Variants in ST6GALNAC3 observed in about 807,000 individuals in gnomAD.
The protein encoded by ST6GALNAC3 is ST6 N-acetylgalactosaminide alpha-2,6-sialyltransferase 3.
A neutral mutation model predicts 32.7 loss-of-function variants in ST6GALNAC3; 25 were observed. The ratio of observed to expected loss-of-function variants is 0.76; its 90% CI spans 0.56 to 1.07. The LOEUF is 1.07. Among genes scored for constraint, ST6GALNAC3 ranks in the 50% least tolerant of loss-of-function variants. The pLI is 0.00. For synonymous variants in ST6GALNAC3, 129 were observed against 133.1 expected (o/e 0.97, Z 0.21); for missense variants, 355 against 382.4 (o/e 0.93, Z 0.60).
At chr1:76,201,297 T>C (rs1654502637) in intron 1 of ST6GALNAC3, among the ~76,000 whole-genome samples, 2 of 152,192 alleles carry the variant, frequency 1.3e-5, no homozygotes. Context: ...ATGTCTTACA[T>C]GGTGGCAGGC....
At chr1:76,449,070 C>T (rs1054640268) in intron 3 of ST6GALNAC3, among the ~76,000 whole-genome samples, 3 of 152,144 alleles carry the variant, frequency 2.0e-5, no homozygotes, top group African/African-American at 7.2e-5. Flanking sequence ...ATCTGCCTTC[C>T]TCAGCCACCC....
At chr1:76,616,119 C>A (rs1401432912) in intron 3 of ST6GALNAC3, among the ~76,000 whole-genome samples, 1 of 152,170 alleles carries the variant, frequency 6.6e-6, no homozygotes, top group Non-Finnish European at 1.5e-5. Flanking sequence ...AAGCAACAAA[C>A]AAACAGATCT....
At chr1:76,382,024 G>A (rs1413934003) in intron 2 of ST6GALNAC3, among the ~76,000 whole-genome samples, 1 of 152,096 alleles carries the variant, frequency 6.6e-6, no homozygotes, top group East Asian at 1.9e-4. Context: ...CAAGCAAGAA[G>A]GATCTTTATA....
intron 1 of ST6GALNAC3, among the ~76,000 whole-genome samples, chr1:76,172,734 C>T (rs1652601986): frequency 6.6e-6 from 1 of 152,068 alleles, no homozygotes; most frequent in Non-Finnish European, 1.5e-5. Flanking sequence ...CTCCCATTTG[C>T]AATTGTTACA....
intron 1 of ST6GALNAC3, among the ~76,000 whole-genome samples, chr1:76,304,408 T>C (rs1018501000): frequency 1.4e-5 from 2 of 143,910 alleles, no homozygotes; most frequent in African/African-American, 5.0e-5. Flanking sequence ...CCCACCCTTA[T>C]CCATGAACTA....
intron 2 of ST6GALNAC3, among the ~76,000 whole-genome samples, chr1:76,348,318 A>G (rs566774808): frequency 3.0e-4 from 46 of 152,248 alleles, no homozygotes; most frequent in African/African-American, 1.1e-3. Context: ...TGATTTTTGT[A>G]TATTTCCGAA....
intron 1 of ST6GALNAC3, among the ~76,000 whole-genome samples, chr1:76,149,677 C>CTTTTTTTTTTTTTT (rs1557655304): frequency 6.6e-6 from 1 of 151,990 alleles, no homozygotes; most frequent in African/African-American, 2.4e-5. Context: ...TCCATTGTTC[C>CTTTTTTTTTTTTTT]ATTGTGTATT....
intron 1 of ST6GALNAC3, among the ~76,000 whole-genome samples, chr1:76,273,997 T>C (rs1428580055): frequency 1.3e-5 from 2 of 152,002 alleles, no homozygotes; most frequent in Non-Finnish European, 2.9e-5. Context: ...AACTTTGGAG[T>C]ATACATAAAA....
chr1:76,254,807 G>T (rs567653210), intron 1 of ST6GALNAC3, among the ~76,000 whole-genome samples: 44 of 152,032 alleles, frequency 2.9e-4, no homozygotes, highest in African/African-American at 8.7e-4. Context: ...GAATCCGTTC[G>T]CATCCCATCT....
intron 2 of ST6GALNAC3, 83 bp from the exon 3 acceptor site, chr1:76,411,925 A>G (rs552290162): frequency 2.1e-6 from 3 of 1,430,848 alleles, no homozygotes; most frequent in Non-Finnish European, 2.8e-6. Context: ...ATTATACAAT[A>G]TATGAACTTT....
chr1:76,625,010 G>A (rs1648878951), intron 3 of ST6GALNAC3, among the ~76,000 whole-genome samples: 1 of 151,908 alleles, frequency 6.6e-6, no homozygotes. Context: ...CAGAATCATA[G>A]TTCAACCATC....
chr1:76,078,947 A>AT (rs1390907010), intron 1 of ST6GALNAC3, among the ~76,000 whole-genome samples: 2 of 152,052 alleles, frequency 1.3e-5, no homozygotes, highest in African/African-American at 2.4e-5. Context: ...TGCCTGGCTA[A>AT]TTTTTTGTAT....
chr1:76,430,165 G>A (rs947323724), intron 3 of ST6GALNAC3, among the ~76,000 whole-genome samples: 4 of 152,010 alleles, frequency 2.6e-5, no homozygotes, highest in Admixed American at 6.6e-5. Context: ...TTTCTATCTC[G>A]AGGCTCTCAT....
At chr1:76,308,006 C>A in intron 1 of ST6GALNAC3, 1 of 438,400 alleles carries the variant, frequency 2.3e-6, no homozygotes, top group Non-Finnish European at 4.7e-6. Flanking sequence ...TTCTAAATGT[C>A]TCAGCTGTTA....
intron 1 of ST6GALNAC3, among the ~76,000 whole-genome samples, chr1:76,140,507 G>A (rs1321581120): frequency 6.6e-6 from 1 of 152,000 alleles, no homozygotes; most frequent in East Asian, 1.9e-4. Flanking sequence ...ATTGATCCTT[G>A]TACTTCCTCT....
intron 3 of ST6GALNAC3, among the ~76,000 whole-genome samples, chr1:76,600,500 G>A (rs1463700008): frequency 1.3e-5 from 2 of 152,082 alleles, no homozygotes; most frequent in Admixed American, 6.5e-5. Context: ...AGGGACACAA[G>A]AACTGATAAG....
intron 2 of ST6GALNAC3, among the ~76,000 whole-genome samples, chr1:76,353,198 G>T (rs1036490677): frequency 6.6e-6 from 1 of 152,086 alleles, no homozygotes; most frequent in Non-Finnish European, 1.5e-5. Flanking sequence ...AGCCACCCTG[G>T]CCTTCTATTC....
At chr1:76,627,218 A>C (rs771573831) in intron 3 of ST6GALNAC3, among the ~76,000 whole-genome samples, 80 of 151,984 alleles carry the variant, frequency 5.3e-4, no homozygotes, top group Non-Finnish European at 2.4e-4. Context: ...TCTTCCACAC[A>C]ACATAGCTTT....
intron 3 of ST6GALNAC3, among the ~76,000 whole-genome samples, chr1:76,515,381 T>C (rs1239889381): frequency 6.6e-6 from 1 of 152,138 alleles, no homozygotes; most frequent in East Asian, 1.9e-4. Flanking sequence ...ACCAACTCTT[T>C]TGTTGTTTTT....
Sources: allele counts gnomAD v4.1 joint callset (sites outside exome capture counted in the v4.1 genomes callset), GRCh38; gene constraint gnomAD v4.1.1; transcripts MANE v1.5; gene names NCBI Gene and HGNC (gene_info 2026-07-23, HGNC 2026-07-21).